The following TUSC3 variants were observed in gnomAD, a reference collection of about 807,000 sequenced individuals.
TUSC3 encodes tumor suppressor candidate 3, also known as dolichyl-diphosphooligosaccharide--protein glycosyltransferase subunit TUSC3.
A neutral mutation model predicts 44.8 loss-of-function variants in TUSC3; 45 were observed. That is an observed-to-expected ratio of 1.00 (90% CI 0.79 to 1.29). The LOEUF is 1.29. TUSC3 is among the 50% of genes most tolerant of loss of function. The probability of loss-of-function intolerance (pLI) is 0.00; values close to 1 mark genes in which losing one functional copy is unlikely to be tolerated. For missense variants in TUSC3, 519 were observed against 437.9 expected, an observed-to-expected ratio of 1.19 and a Z score of -1.65; for synonymous variants, 212 against 152.9, an observed-to-expected ratio of 1.39 and a Z score of -2.85.
chr8:15,690,009 AT>A (rs1488592599), intron 6 of TUSC3, among the ~76,000 whole-genome samples: 2 of 152,014 alleles, frequency 1.3e-5, no homozygotes, highest in African/African-American at 4.8e-5. Context: ...AACAATTTAT[AT>A]TTTTTGGGGT....
At chr8:15,819,572 CTTTGT>C in the TUSC3 span, among the ~76,000 whole-genome samples, 1 of 152,160 alleles carries the variant, frequency 6.6e-6, no homozygotes, top group Non-Finnish European at 1.5e-5. Context: ...CCATCAACTC[CTTTGT>C]TTTCATACTA....
intron 1 of TUSC3, among the ~76,000 whole-genome samples, chr8:15,569,334 A>G (rs1050232145): frequency 6.6e-6 from 1 of 152,106 alleles, no homozygotes. Context: ...GTTTATTTTC[A>G]TGGAAAATAT....
intron 1 of TUSC3, among the ~76,000 whole-genome samples, chr8:15,602,926 C>T (rs996668306): frequency 1.3e-5 from 2 of 151,472 alleles, no homozygotes; most frequent in African/African-American, 4.8e-5. Context: ...GTATTAATAA[C>T]ACTTTAATGT....
At chr8:15,453,045 C>G (rs1224907150) in intron 1 of TUSC3, among the ~76,000 whole-genome samples, 1 of 152,072 alleles carries the variant, frequency 6.6e-6, no homozygotes, top group Non-Finnish European at 1.5e-5. Flanking sequence ...TAACTAGAAA[C>G]AGTATCTAGG....
intron 1 of TUSC3, among the ~76,000 whole-genome samples, chr8:15,445,469 C>G (rs112272585): frequency 0.014 from 2,133 of 152,260 alleles, 52 homozygotes; most frequent in African/African-American, 0.048. Flanking sequence ...CTGCGGCCTT[C>G]CGCAGTGTTT....
intron 1 of TUSC3, among the ~76,000 whole-genome samples, chr8:15,475,869 A>C (rs979462770): frequency 1.3e-5 from 2 of 152,192 alleles, no homozygotes; most frequent in Non-Finnish European, 2.9e-5. Flanking sequence ...TGATAGATTT[A>C]AGTGATTCCA....
At chr8:15,819,859 G>C in the TUSC3 span, among the ~76,000 whole-genome samples, 2 of 152,136 alleles carry the variant, frequency 1.3e-5, no homozygotes, top group African/African-American at 2.4e-5. Flanking sequence ...AAAGACAGAA[G>C]TGGGATCTTC....
chr8:15,664,300 T>C (rs1197303575), intron 5 of TUSC3, among the ~76,000 whole-genome samples: 2 of 151,650 alleles, frequency 1.3e-5, no homozygotes, highest in East Asian at 1.9e-4. Context: ...GTGTCTTATA[T>C]GTTGGTGATT....
the TUSC3 span, among the ~76,000 whole-genome samples, chr8:15,813,225 A>C: frequency 6.6e-6 from 1 of 152,200 alleles, no homozygotes; most frequent in Non-Finnish European, 1.5e-5. Flanking sequence ...CTGTGTAATC[A>C]GCCAAGTAAA....
At chr8:15,834,044 T>C in the TUSC3 span, among the ~76,000 whole-genome samples, 1 of 152,102 alleles carries the variant, frequency 6.6e-6, no homozygotes, top group African/African-American at 2.4e-5. Flanking sequence ...TATTTATGAG[T>C]ATCACAATGA....
intron 2 of TUSC3, among the ~76,000 whole-genome samples, chr8:15,514,185 T>C (rs1801179952): frequency 6.6e-6 from 1 of 152,216 alleles, no homozygotes; most frequent in Non-Finnish European, 1.5e-5. Flanking sequence ...TGTTGTGCTC[T>C]AGTAATTACG....
At chr8:15,569,916 A>G (rs1802808799) in intron 1 of TUSC3, among the ~76,000 whole-genome samples, 1 of 148,216 alleles carries the variant, frequency 6.7e-6, no homozygotes, top group Admixed American at 6.8e-5. Flanking sequence ...TTTTAAATTC[A>G]GCATTTAAAA....
At chr8:15,562,270 T>C (rs1050290133) in intron 1 of TUSC3, among the ~76,000 whole-genome samples, 1 of 152,134 alleles carries the variant, frequency 6.6e-6, no homozygotes, top group East Asian at 1.9e-4. Flanking sequence ...TCGTGGATGG[T>C]ATATAAGATA....
intron 1 of TUSC3, among the ~76,000 whole-genome samples, chr8:15,546,955 T>C (rs187833656): frequency 2.6e-4 from 39 of 151,782 alleles, no homozygotes; most frequent in Non-Finnish European, 3.1e-4. Context: ...ACAGTAAGTT[T>C]AGAGAGTGAT....
At chr8:15,604,432 T>A (rs1804431972) in intron 1 of TUSC3, among the ~76,000 whole-genome samples, 1 of 151,632 alleles carries the variant, frequency 6.6e-6, no homozygotes, top group Non-Finnish European at 1.5e-5. Context: ...GGGTTTTTGT[T>A]TTATTATTAT....
At chr8:15,431,603 A>T (rs922003294) in intron 1 of TUSC3, among the ~76,000 whole-genome samples, 5 of 148,640 alleles carry the variant, frequency 3.4e-5, no homozygotes, top group African/African-American at 1.3e-4. Flanking sequence ...TATATATAGG[A>T]TTATGTCTTG....
chr8:15,809,601 G>A, the TUSC3 span, among the ~76,000 whole-genome samples: 2 of 152,138 alleles, frequency 1.3e-5, no homozygotes, highest in African/African-American at 4.8e-5. Flanking sequence ...GGCACAGTAA[G>A]AGATCAGCAG....
At chr8:15,649,982 A>G (rs913216299) in intron 2 of TUSC3, among the ~76,000 whole-genome samples, 2 of 152,168 alleles carry the variant, frequency 1.3e-5, no homozygotes, top group Admixed American at 6.5e-5. Context: ...CCTCCTATAA[A>G]TGCCATTTTT....
intron 2 of TUSC3, among the ~76,000 whole-genome samples, chr8:15,514,069 C>A (rs913777435): frequency 2.6e-5 from 4 of 152,136 alleles, no homozygotes; most frequent in Admixed American, 2.0e-4. Flanking sequence ...CCCTTCTATG[C>A]GCCACCACTT....
Sources: gnomAD v4.1 joint callset for allele counts (sites outside exome capture counted in the v4.1 genomes callset) on GRCh38, gnomAD v4.1.1 for gene constraint, MANE v1.5 for transcripts, NCBI Gene and HGNC (gene_info 2026-07-23, HGNC 2026-07-21) for gene names.